Variants in ERO1A observed in about 807,000 individuals in gnomAD.
The protein encoded by ERO1A is ERO1-like protein alpha.
In ERO1A, 49 loss-of-function variants were observed where a neutral mutation model predicts 76.9. The observed-to-expected ratio is 0.64, with a 90% confidence interval of 0.51 to 0.81. ERO1A has a LOEUF of 0.81. Among genes scored for constraint, ERO1A ranks in the 30% least tolerant of loss-of-function variants. The probability of loss-of-function intolerance (pLI) is 0.00; values close to 1 mark genes in which losing one functional copy is unlikely to be tolerated. For synonymous variants in ERO1A, 174 were observed against 181.2 expected (o/e 0.96, Z 0.32); for missense variants, 448 against 542.1 (o/e 0.83, Z 1.72).
chr14:52,649,417 T>C (rs1441049916), intron 13 of ERO1A, among the ~76,000 whole-genome samples: 3 of 152,322 alleles, frequency 2.0e-5, no homozygotes, highest in African/African-American at 4.8e-5. Context: ...CAGAAACTGC[T>C]TTTTAAAAAA....
chr14:52,678,054 T>C (rs1194985149), intron 4 of ERO1A, among the ~76,000 whole-genome samples: 3 of 151,586 alleles, frequency 2.0e-5, no homozygotes, highest in African/African-American at 7.3e-5. Flanking sequence ...TCACCAGAGG[T>C]CGGCAATTCG....
At chr14:52,690,339 A>C (rs2041313831) in intron 1 of ERO1A, among the ~76,000 whole-genome samples, 1 of 152,264 alleles carries the variant, frequency 6.6e-6, no homozygotes. Flanking sequence ...GGCAACCTAC[A>C]GAATGGGAGA....
rs756818089 is a variant in ERO1A at position 52,666,444 on chromosome 14, C to T, written c.560G>A (p.Arg187His). ...EYVDLLLNPERYTGYKGPDAW... is the reference protein window; with the variant it reads ...EYVDLLLNPEHYTGYKGPDAW... ...ATCTGGTCCCTTGTAACCAGTGTAG[C>T]GCTCAGGATTAAGAAGCAAATCTAC... Residue 187 changes from arginine (R) to histidine (H), a missense_variant, in exon 7 of 16, where the codon CGC becomes CAC. This residue lies in a region of ERO1A where 302 missense variants were observed against 411.9 expected (regional missense o/e 0.73). Coordinates refer to ENST00000395686, the MANE Select transcript of ERO1A (RefSeq NM_014584.3). 6.2e-6 allele frequency: 10 copies of T among 1,610,454 alleles called. No individual in the cohort carries two copies. The highest frequency in any genetic ancestry group is 1.6e-4 in the Middle Eastern group (1 of 6,082).
intron 4 of ERO1A, among the ~76,000 whole-genome samples, chr14:52,672,605 C>CA (rs927707179): frequency 6.6e-5 from 10 of 150,400 alleles, no homozygotes; most frequent in Admixed American, 2.0e-4. Flanking sequence ...CCCATCTCTA[C>CA]AAAAAAAAAT....
intron 9 of ERO1A, 141 bp downstream of exon 9, chr14:52,661,152 C>T (rs1367395702): frequency 8.3e-6 from 3 of 362,026 alleles, no homozygotes; most frequent in Non-Finnish European, 1.5e-5. Context: ...TGTGCTAGTA[C>T]CTCCAGACTT....
At chr14:52,670,541 C>G (rs76221195) in intron 6 of ERO1A, among the ~76,000 whole-genome samples, 1 of 152,026 alleles carries the variant, frequency 6.6e-6, no homozygotes, top group Admixed American at 6.6e-5. Flanking sequence ...CACTGTGCCA[C>G]GATCAGAGTT....
In ERO1A at chr14:52,683,914, C is replaced by A. The variant is rs762360611; in HGVS notation, c.115-7G>T. The A allele has an allele frequency of 4.5e-6, 7 of 1,556,406 alleles. No individual in the cohort carries two copies. In the South Asian group the frequency reaches 7.5e-5, roughly 17 times the overall value. ...CATCCAAGTAACCACTAACCTGTTACAAAGAAAATGAAATATTAAATTGAA... is the reference window on the plus strand; with the variant it reads ...CATCCAAGTAACCACTAACCTGTTAAAAAGAAAATGAAATATTAAATTGAA... On this transcript the variant is annotated splice_polypyrimidine_tract_variant and splice_region_variant and intron_variant, in intron 1 of 15. Coordinates refer to ENST00000395686, the MANE Select transcript of ERO1A (RefSeq NM_014584.3).
intron 7 of ERO1A, among the ~76,000 whole-genome samples, chr14:52,664,581 A>T (rs576950600): frequency 6.6e-6 from 1 of 152,310 alleles, no homozygotes; most frequent in South Asian, 2.1e-4. Flanking sequence ...CATTGTTTAT[A>T]TTGTTAGAAA....
chr14:52,670,999 A>T (rs2040578873), intron 6 of ERO1A, among the ~76,000 whole-genome samples: 1 of 152,188 alleles, frequency 6.6e-6, no homozygotes, highest in Non-Finnish European at 1.5e-5. Flanking sequence ...TTTTAGCAAT[A>T]ACGCCTACCC....
chr14:52,644,366 T>C (rs2039573197), intron 15 of ERO1A, among the ~76,000 whole-genome samples: 1 of 152,118 alleles, frequency 6.6e-6, no homozygotes, highest in Non-Finnish European at 1.5e-5. Context: ...GGTGGGAGAA[T>C]CTATTGAGCC....
chr14:52,661,914 T>C (rs2040245589), intron 8 of ERO1A, among the ~76,000 whole-genome samples: 1 of 152,016 alleles, frequency 6.6e-6, no homozygotes, highest in Non-Finnish European at 1.5e-5. Context: ...TGCAAATATA[T>C]GTTTTTAAAA....
chr14:52,666,107 T>C (rs2040401091), intron 7 of ERO1A, among the ~76,000 whole-genome samples: 1 of 152,180 alleles, frequency 6.6e-6, no homozygotes, highest in African/African-American at 2.4e-5. Flanking sequence ...TTACCTTAAC[T>C]ATAAAATGAG....
chr14:52,652,440 A>C, intron 12 of ERO1A, 132 bp from the exon 13 acceptor site: 1 of 582,040 alleles, frequency 1.7e-6, no homozygotes, highest in Non-Finnish European at 3.1e-6. Flanking sequence ...GATGCCCCAA[A>C]TCAAATTCTT....
intron 1 of ERO1A, among the ~76,000 whole-genome samples, chr14:52,687,822 G>A (rs1487049846): frequency 2.6e-5 from 4 of 152,146 alleles, no homozygotes; most frequent in African/African-American, 9.7e-5. Context: ...GAGATAAGAA[G>A]GCCCCAGTTG....
At chr14:52,656,381 C>G (rs2040046064) in intron 11 of ERO1A, among the ~76,000 whole-genome samples, 1 of 151,874 alleles carries the variant, frequency 6.6e-6, no homozygotes, top group Non-Finnish European at 1.5e-5. Context: ...TTCATAAAAC[C>G]TAAACACACA....
intron 4 of ERO1A, among the ~76,000 whole-genome samples, chr14:52,677,769 G>C (rs116948146): frequency 0.053 from 7,891 of 149,744 alleles, 305 homozygotes; most frequent in Non-Finnish European, 0.077. Context: ...AAGCTGAGGG[G>C]AGAGAATCAC....
intron 3 of ERO1A, among the ~76,000 whole-genome samples, chr14:52,680,608 T>A (rs2040961581): frequency 6.6e-6 from 1 of 152,222 alleles, no homozygotes. Flanking sequence ...TTTTTACTAA[T>A]TCATATAATT....
intron 2 of ERO1A, 140 bp from the exon 3 acceptor site, chr14:52,682,548 T>A: frequency 1.6e-6 from 1 of 617,544 alleles, no homozygotes; most frequent in Middle Eastern, 4.5e-4. Flanking sequence ...GTTGCCAGTT[T>A]ATAACAACTG....
intron 6 of ERO1A, among the ~76,000 whole-genome samples, chr14:52,671,267 A>C (rs1347628786): frequency 6.6e-6 from 1 of 152,188 alleles, no homozygotes; most frequent in East Asian, 1.9e-4. Context: ...TTGGGTTGTT[A>C]CCACCTTTTG....
Sources: allele counts gnomAD v4.1 joint callset (sites outside exome capture counted in the v4.1 genomes callset), GRCh38; gene constraint gnomAD v4.1.1; regional missense constraint gnomAD v4.1.1; transcripts MANE v1.5; gene names NCBI Gene and HGNC (gene_info 2026-07-23, HGNC 2026-07-21).